SLU7: variants seen among roughly 807,000 people sequenced by gnomAD.
SLU7 encodes pre-mRNA-splicing factor SLU7.
In SLU7, 60 loss-of-function variants were observed where a neutral mutation model predicts 87.0. The ratio of observed to expected loss-of-function variants is 0.69; its 90% confidence interval spans 0.56 to 0.86. The LOEUF is 0.86. Ranked by LOEUF, SLU7 falls within the 40% of genes least tolerant of loss-of-function variation. The pLI, the probability that SLU7 is intolerant of heterozygous loss-of-function variation, is 0.00. For missense variants in SLU7, 507 were observed against 686.6 expected, an observed-to-expected ratio of 0.74 and a Z score of 2.92; for synonymous variants, 197 against 222.0, an observed-to-expected ratio of 0.89 and a Z score of 1.00.
Position 160,415,297 on chromosome 5 carries a change from T to A in SLU7, c.-3A>T. ...GCATCTACAACTGTGGCTGACATGGTTATCTGGCCTCCTCTAGGAAAAGAA... is the reference window on the plus strand; with the variant it reads ...GCATCTACAACTGTGGCTGACATGGATATCTGGCCTCCTCTAGGAAAAGAA... On this transcript the variant is annotated 5_prime_UTR_variant, in exon 2 of 16. The change abolishes the stop of an existing upstream ORF in the 5' untranslated region. Transcript: ENST00000297151. The A allele has an allele frequency of 1.3e-6, 2 of 1,565,004 alleles. No homozygotes were observed. Among genetic ancestry groups the A allele is most frequent in the Non-Finnish European group, 1.7e-6 (2 of 1,159,620 alleles).
In SLU7 at chr5:160,415,403, A is replaced by C. The variant is rs1358868118; in HGVS notation, c.-16-93T>G. 3.1e-6 allele frequency: 3 copies of C among 956,480 alleles called. No individual in the cohort carries two copies. In the East Asian group the frequency reaches 8.3e-5, roughly 27 times the overall value. 59.2% of individuals were successfully genotyped at this position (956,480 alleles called of 1,614,324 possible). A position where few individuals can be genotyped will look rare whatever the true frequency, so the allele number is the denominator to read the frequency against. ...ACATCCTAATAATATATACTGTTTC[A>C]TATGTTTTTTTTTCTCCTATATTAT... is the stretch of plus-strand genomic sequence containing the variant. On this transcript the variant is annotated intron_variant, in intron 1 of 15. Transcript: ENST00000297151.
In SLU7 at chr5:160,415,253, T is replaced by C. The variant is rs138030120; in HGVS notation, c.42A>G (p.Leu14=). ...TVVDAVNAAP[L]SGSKEMSLEE... is the part of the protein sequence containing the mutation. ...CCAAACTCATTTCTTTGGACCCCGA[T>C]AGGGGTGCAGCATTAACTGCATCTA... The change falls in exon 2 of 16, where the codon CTA becomes CTG. Residue 14 remains leucine, a synonymous_variant. Coordinates refer to ENST00000297151, the MANE Select transcript of SLU7 (RefSeq NM_006425.5). 6 of 1,611,232 alleles carry C rather than the reference T, an allele frequency of 3.7e-6. No individual in the cohort carries two copies. The highest frequency in any genetic ancestry group is 3.4e-5 in the Admixed American group (2 of 59,380).
chr5:160,417,692 T>C (rs1765513657), intron 1 of SLU7, among the ~76,000 whole-genome samples: 1 of 148,728 alleles, frequency 6.7e-6, no homozygotes. Context: ...CTCGGGAGGC[T>C]GAGACAGGAG....
chr5:160,415,408 T>G (rs1019898550), intron 1 of SLU7, 98 bp from the exon 2 acceptor site: 4 of 867,340 alleles, frequency 4.6e-6, no homozygotes, highest in African/African-American at 3.5e-5. Context: ...GTTTCATATG[T>G]TTTTTTTTCT....
chr5:160,413,124 CTA>C (rs1205265862), intron 5 of SLU7, among the ~76,000 whole-genome samples: 1 of 152,110 alleles, frequency 6.6e-6, no homozygotes. Context: ...CATGGGCAAG[CTA>C]TAGCTTGGGG....
chr5:160,405,776 C>T (rs1442647515), intron 12 of SLU7, among the ~76,000 whole-genome samples: 1 of 152,092 alleles, frequency 6.6e-6, no homozygotes, highest in Non-Finnish European at 1.5e-5. Flanking sequence ...TTATATAACA[C>T]TACTAGGAAC....
chr5:160,414,706 G>C (rs1486981354), intron 2 of SLU7, among the ~76,000 whole-genome samples: 1 of 152,138 alleles, frequency 6.6e-6, no homozygotes, highest in African/African-American at 2.4e-5. Flanking sequence ...TGATATAACT[G>C]AAGGGGGACA....
chr5:160,406,295 A>C (rs1765007884), intron 12 of SLU7, 173 bp downstream of exon 12: 1 of 512,032 alleles, frequency 2.0e-6, no homozygotes. Flanking sequence ...AGATGAACAT[A>C]GTATTCCTTC....
chr5:160,412,458 T>C lies in SLU7; in HGVS notation c.632A>G (p.Glu211Gly). ...ATCATTTTCATTACTTACAGCCTGTTCCACTAATTTTCCTGAGGCTAATTC... is the reference window on the plus strand; with the variant it reads ...ATCATTTTCATTACTTACAGCCTGTCCCACTAATTTTCCTGAGGCTAATTC... ...QEELASGKLV[E>G]QANSPKHQWG... Residue 211 changes from glutamate to glycine, a missense_variant, in exon 6 of 16, where the codon GAA becomes GGA. Glu to Gly is a moderately conservative substitution (Grantham distance 98, BLOSUM62 -2). This residue lies in a region of SLU7 where 155 missense variants were observed against 154.4 expected (regional missense o/e 1.00). Transcript: ENST00000297151. The C allele has an allele frequency of 6.5e-7, 1 of 1,533,744 alleles. No individual in the cohort carries two copies. Among genetic ancestry groups the C allele is most frequent in the South Asian group, 1.2e-5 (1 of 83,974 alleles).
chr5:160,405,645 A>G (rs1764977615), intron 12 of SLU7, among the ~76,000 whole-genome samples: 1 of 152,246 alleles, frequency 6.6e-6, no homozygotes, highest in Non-Finnish European at 1.5e-5. Context: ...GATGTTTACA[A>G]TGCAATATGA....
chr5:160,403,063 C>CGATT lies in SLU7; in HGVS notation c.*221_*222insAATC. The CGATT allele has an allele frequency of 2.8e-6, 1 of 357,962 alleles. No homozygotes were observed. The highest frequency in any genetic ancestry group is 4.9e-6 in the Non-Finnish European group (1 of 202,180). The allele number at this position is 357,962 out of a possible 1,614,324, so 22.2% of individuals were successfully genotyped here. On this transcript the variant is annotated 3_prime_UTR_variant, in exon 16 of 16. Transcript: ENST00000297151. The stretch of plus-strand genomic sequence containing the variant: ...AAAAACTGGAAATAAAATCTTAATC[C>CGATT]AATTTTAAATTCTATTCCCAAAAGC...
chr5:160,412,148 A>G (rs1052421776), intron 6 of SLU7, among the ~76,000 whole-genome samples: 6 of 152,172 alleles, frequency 3.9e-5, no homozygotes, highest in African/African-American at 1.4e-4. Context: ...ATGCTGTACT[A>G]TCTTTATGCA....
At chr5:160,404,250 G>A (rs747203883) in intron 15 of SLU7, among the ~76,000 whole-genome samples, 190 bp downstream of exon 15, 13 of 152,052 alleles carry the variant, frequency 8.5e-5, no homozygotes, top group Non-Finnish European at 1.5e-4. Context: ...CTGTAATACC[G>A]GCTACTTGGG....
chr5:160,412,289 T>G (rs991835203), intron 6 of SLU7, among the ~76,000 whole-genome samples, 162 bp downstream of exon 6: 3 of 152,156 alleles, frequency 2.0e-5, no homozygotes, highest in Non-Finnish European at 4.4e-5. Flanking sequence ...ACTGCATCAA[T>G]TTATATTACT....
intron 8 of SLU7, 31 bp from the exon 9 acceptor site, chr5:160,408,099 G>T: frequency 6.8e-7 from 1 of 1,469,376 alleles, no homozygotes; most frequent in Non-Finnish European, 9.5e-7. Flanking sequence ...AAGAATTAAT[G>T]TTTACTCACA....
intron 11 of SLU7, 60 bp from the exon 12 acceptor site, chr5:160,406,689 C>A: frequency 3.2e-6 from 4 of 1,246,790 alleles, no homozygotes; most frequent in South Asian, 1.5e-5. Context: ...TTTAAATTTC[C>A]AGAAAACATT....
chr5:160,408,176 A>C, intron 8 of SLU7, 108 bp from the exon 9 acceptor site: 1 of 1,135,172 alleles, frequency 8.8e-7, no homozygotes, highest in Non-Finnish European at 1.3e-6. Context: ...GTGTGTATAC[A>C]TTTCTGGGGT....
rs749966675 is a variant in SLU7, at chr5:160,412,533, AAAAAG to A, written c.571-19_571-15del. On this transcript the variant is annotated splice_polypyrimidine_tract_variant and intron_variant, in intron 5 of 15. Transcript: ENST00000297151. ...TGTTCGTTTTGCCTTTAAAAAAAAAAAAAAGAAAGAAAGAAAGAAAAAGTAAACAT... is the reference window on the plus strand; with the variant it reads ...TGTTCGTTTTGCCTTTAAAAAAAAAAAAAGAAAGAAAGAAAAAGTAAACAT... 7 of 1,370,236 alleles carry A rather than the reference AAAAAG, an allele frequency of 5.1e-6. No homozygotes were observed. The highest frequency in any genetic ancestry group is 2.9e-5 in the South Asian group (2 of 69,292). The allele number at this position is 1,370,236 out of a possible 1,614,324, so 84.9% of individuals were successfully genotyped here.
chr5:160,410,712 T>C (rs1376991720), intron 6 of SLU7, among the ~76,000 whole-genome samples: 1 of 152,212 alleles, frequency 6.6e-6, no homozygotes, highest in South Asian at 2.1e-4. Flanking sequence ...AGGCCCTTTT[T>C]CTTTTCCCAA....
Sources: gnomAD v4.1 joint callset for allele counts (sites outside exome capture counted in the v4.1 genomes callset) on GRCh38, gnomAD v4.1.1 for gene constraint, gnomAD v4.1.1 regional missense constraint, MANE v1.5 for transcripts, NCBI Gene and HGNC (gene_info 2026-07-23, HGNC 2026-07-21) for gene names.